Variants in GREB1L observed in about 807,000 individuals in gnomAD.
GREB1L encodes the protein GREB1 like retinoic acid receptor coactivator, also known as GREB1-like protein.
In GREB1L, 17 loss-of-function variants were observed where a neutral mutation model predicts 200.8. The ratio of observed to expected loss-of-function variants is 0.08; its 90% CI spans 0.06 to 0.13. The LOEUF (loss-of-function observed/expected upper bound fraction) is 0.13. GREB1L is among the 10% of genes least tolerant of loss of function. The pLI, the probability that GREB1L is intolerant of heterozygous loss-of-function variation, is 1.00. For missense variants in GREB1L, 1,657 were observed against 2,367.7 expected (o/e 0.70, Z 6.23); for synonymous variants, 789 against 893.0 (o/e 0.88, Z 2.08).
At chr18:21,437,118 A>G (rs965617046) in intron 7 of GREB1L, among the ~76,000 whole-genome samples, 2 of 152,162 alleles carry the variant, frequency 1.3e-5, no homozygotes, top group African/African-American at 4.8e-5. Context: ...TTGTAGAGAC[A>G]GTGTTTCCCC....
In GREB1L at chr18:21,440,179, A is replaced by G. The variant is rs552220863; in HGVS notation, c.950-90A>G. 10 of 1,298,700 alleles carry G rather than the reference A, an allele frequency of 7.7e-6. No individual in the cohort carries two copies. The South Asian group carries it at 1.4e-4, about 18-fold the overall frequency. The allele number at this position is 1,298,700 out of a possible 1,614,324, so 80.4% of individuals were successfully genotyped here. On this transcript the variant is annotated intron_variant, in intron 8 of 32. Coordinates refer to ENST00000424526, the MANE Select transcript of GREB1L (RefSeq NM_001142966.3). ...AGTATAATCAAATTAAAGGTTCTGT[A>G]TTACTTATATTACTCTGGCGTTCTT...
chr18:21,368,107 A>G (rs1364959214), intron 2 of GREB1L, among the ~76,000 whole-genome samples: 2 of 152,250 alleles, frequency 1.3e-5, no homozygotes, highest in East Asian at 3.8e-4. Context: ...AAGGCCTATA[A>G]TAGGCCTTGT....
chr18:21,507,982 G>T (rs1468254664), intron 25 of GREB1L, 136 bp from the exon 26 acceptor site: 1 of 777,790 alleles, frequency 1.3e-6, no homozygotes, highest in Admixed American at 2.6e-5. Flanking sequence ...AGACGTGGCT[G>T]CTCACAGCCT....
At chr18:21,389,082 T>C (rs1406636322) in intron 4 of GREB1L, among the ~76,000 whole-genome samples, 1 of 152,174 alleles carries the variant, frequency 6.6e-6, no homozygotes, top group African/African-American at 2.4e-5. Context: ...CAGGGAGTTA[T>C]ACTCCACATC....
At chr18:21,257,448 T>A (rs2037818857) in intron 1 of GREB1L, among the ~76,000 whole-genome samples, 1 of 152,224 alleles carries the variant, frequency 6.6e-6, no homozygotes, top group Non-Finnish European at 1.5e-5. Flanking sequence ...GTATCAGAAT[T>A]GTTTCATATC....
intron 1 of GREB1L, among the ~76,000 whole-genome samples, chr18:21,331,995 A>G (rs2039112815): frequency 6.6e-6 from 1 of 152,234 alleles, no homozygotes; most frequent in South Asian, 2.1e-4. Flanking sequence ...GAGACTCAAT[A>G]TATTTCATGG....
intron 1 of GREB1L, among the ~76,000 whole-genome samples, chr18:21,278,380 C>CAAAAAAAAA (rs550496435): frequency 9.4e-6 from 1 of 106,306 alleles, no homozygotes; most frequent in African/African-American, 3.2e-5. Context: ...GACTCCATCT[C>CAAAAAAAAA]AAAAAAAAAA....
At chr18:21,442,082 A>G (rs2033932543) in intron 10 of GREB1L, among the ~76,000 whole-genome samples, 1 of 152,246 alleles carries the variant, frequency 6.6e-6, no homozygotes, top group Admixed American at 6.5e-5. Context: ...GAGGCCCTAC[A>G]GTTGCAGGTC....
chr18:21,397,994 G>A (rs1334067505), intron 5 of GREB1L, among the ~76,000 whole-genome samples: 1 of 152,126 alleles, frequency 6.6e-6, no homozygotes, highest in Non-Finnish European at 1.5e-5. Context: ...AAGCATTATC[G>A]TCTCATCTAA....
chr18:21,331,392 T>A (rs1326068872), intron 1 of GREB1L, among the ~76,000 whole-genome samples: 1 of 152,230 alleles, frequency 6.6e-6, no homozygotes, highest in African/African-American at 2.4e-5. Context: ...AAGGAATTTC[T>A]TTGTCATGGT....
chr18:21,500,297 G>A lies in GREB1L; in HGVS notation c.3960G>A (p.Gly1320=). 2 of 1,281,556 alleles carry A rather than the reference G, an allele frequency of 1.6e-6. No individual in the cohort carries two copies. The highest frequency in any genetic ancestry group is 1.1e-6 in the Non-Finnish European group (1 of 914,192). 79.4% of individuals were successfully genotyped at this position (1,281,556 alleles called of 1,614,324 possible). A position where few individuals can be genotyped will look rare whatever the true frequency, so the allele number is the denominator to read the frequency against. The stretch of plus-strand genomic sequence containing the variant: ...ACCCCCGACGGCTCCTGCTGACAGG[G>A]CCCCCACAGGTAGGGCCAAGCCAGC... ...NFHPRRLLLT[G]PPQVGKTGSY... The change falls in exon 22 of 33, where the codon GGG becomes GGA. Residue 1320 remains glycine, a synonymous_variant. Transcript: ENST00000424526.
intron 7 of GREB1L, among the ~76,000 whole-genome samples, chr18:21,427,058 C>G (rs2032673152): frequency 6.6e-6 from 1 of 150,692 alleles, no homozygotes; most frequent in Admixed American, 6.6e-5. Context: ...ATTAGTTTGT[C>G]AATTTCTGTG....
intron 2 of GREB1L, among the ~76,000 whole-genome samples, chr18:21,374,850 C>CTTTTTT (rs535722957): frequency 7.7e-6 from 1 of 130,258 alleles, no homozygotes. Context: ...TTTCCTTTTC[C>CTTTTTT]TTTTTTTTTT....
At chr18:21,438,892 C>T (rs186811601) in intron 7 of GREB1L, among the ~76,000 whole-genome samples, 35 of 139,362 alleles carry the variant, frequency 2.5e-4, no homozygotes, top group East Asian at 9.0e-4. Context: ...ACCTGGGAGA[C>T]GGAGCTTGCA....
At chr18:21,385,933 C>T (rs1019522306) in intron 4 of GREB1L, among the ~76,000 whole-genome samples, 36 of 152,176 alleles carry the variant, frequency 2.4e-4, no homozygotes, top group African/African-American at 8.4e-4. Context: ...GTATCTGACA[C>T]TGGTGTTTTT....
chr18:21,344,478 A>C (rs1567944688), intron 1 of GREB1L, among the ~76,000 whole-genome samples: 1 of 152,092 alleles, frequency 6.6e-6, no homozygotes, highest in Non-Finnish European at 1.5e-5. Flanking sequence ...CTCCATTGCA[A>C]CTGACAGTGT....
chr18:21,402,341 T>C (rs1247129391), intron 6 of GREB1L, among the ~76,000 whole-genome samples: 1 of 152,156 alleles, frequency 6.6e-6, no homozygotes, highest in Non-Finnish European at 1.5e-5. Context: ...TTTTAACTTC[T>C]TAGTACTCAG....
At chr18:21,324,041 G>T (rs1316811562) in intron 1 of GREB1L, among the ~76,000 whole-genome samples, 1 of 152,142 alleles carries the variant, frequency 6.6e-6, no homozygotes, top group African/African-American at 2.4e-5. Context: ...ATGGGAGGGG[G>T]ATGAGGGATG....
chr18:21,342,161 G>C (rs564716787), intron 1 of GREB1L, among the ~76,000 whole-genome samples: 1 of 152,160 alleles, frequency 6.6e-6, no homozygotes, highest in South Asian at 2.1e-4. Context: ...TTGATGGCCT[G>C]AATTGATGTT....
Sources: allele counts gnomAD v4.1 joint callset (sites outside exome capture counted in the v4.1 genomes callset), GRCh38; gene constraint gnomAD v4.1.1; transcripts MANE v1.5; gene names NCBI Gene and HGNC (gene_info 2026-07-23, HGNC 2026-07-21).